PRRC2B: variants seen among roughly 807,000 people sequenced by gnomAD.
PRRC2B encodes the protein protein PRRC2B.
In PRRC2B, 68 loss-of-function variants were observed where a neutral mutation model predicts 242.3. The observed-to-expected ratio is 0.28, with a 90% CI of 0.23 to 0.34. The LOEUF (loss-of-function observed/expected upper bound fraction) is 0.34, where lower values mean the gene tolerates loss of function less well. Ranked by LOEUF, PRRC2B falls within the 10% of genes least tolerant of loss-of-function variation. PRRC2B has a pLI of 1.00. For synonymous variants in PRRC2B, 1,228 were observed against 1,173.6 expected (o/e 1.05, Z -0.95); for missense variants, 2,835 against 2,954.8 (o/e 0.96, Z 0.94).
chr9:131,495,634 G>T, intron 31 of PRRC2B, 106 bp from the exon 32 acceptor site: 2 of 1,319,964 alleles, frequency 1.5e-6, no homozygotes, highest in South Asian at 1.4e-5. Flanking sequence ...CAACTTAGGG[G>T]AGCTTTCCCT....
intron 1 of PRRC2B, among the ~76,000 whole-genome samples, chr9:131,425,263 G>A (rs1189570749): frequency 6.6e-6 from 1 of 152,124 alleles, no homozygotes; most frequent in Non-Finnish European, 1.5e-5. Context: ...TGGGATTACA[G>A]GCGTGAGCTA....
intron 9 of PRRC2B, among the ~76,000 whole-genome samples, chr9:131,451,133 C>T (rs1942899526): frequency 5.9e-5 from 9 of 152,198 alleles, no homozygotes; most frequent in Admixed American, 5.2e-4. Context: ...GGCGCAGTGG[C>T]TCACGCCTGT....
At position 131,459,067 on chromosome 9, in the gene PRRC2B, G is replaced by T. The variant is rs867169769; in HGVS notation, c.1212-97G>T. 327 of 1,059,842 alleles carry T rather than the reference G, an allele frequency of 3.1e-4. No individual in the cohort carries two copies. The Middle Eastern group carries it at 4.4e-3, about 14-fold the overall frequency. The allele number at this position is 1,059,842 out of a possible 1,614,324, so 65.7% of individuals were successfully genotyped here. On this transcript the variant is annotated intron_variant, in intron 10 of 31. Transcript: ENST00000683519. ...CCATTCTAATGAAGAAAATGATTTG[G>T]ACAGCTGACTTGGGAATTCTCAAGG...
upstream of PRRC2B, among the ~76,000 whole-genome samples, chr9:131,392,940 GAAAA>G (rs1588235365): frequency 6.7e-6 from 1 of 149,206 alleles, no homozygotes; most frequent in African/African-American, 2.5e-5. Flanking sequence ...AAAGAAAAAA[GAAAA>G]AAAGGATAAC....
At chr9:131,422,967 C>T (rs1294558712) in intron 1 of PRRC2B, among the ~76,000 whole-genome samples, 2 of 152,138 alleles carry the variant, frequency 1.3e-5, no homozygotes, top group African/African-American at 4.8e-5. Context: ...GCTCTAGCTC[C>T]CCGTGGCAGT....
intron 1 of PRRC2B, among the ~76,000 whole-genome samples, chr9:131,395,067 AT>A (rs1214022259): frequency 6.7e-6 from 1 of 149,366 alleles, no homozygotes; most frequent in African/African-American, 2.5e-5. Context: ...TAAGAGGTGG[AT>A]TTTTTTCCTT....
chr9:131,385,337 G>A (rs765724565), intron 1 of PRRC2B, among the ~76,000 whole-genome samples: 3 of 148,092 alleles, frequency 2.0e-5, no homozygotes, highest in Non-Finnish European at 3.0e-5. Context: ...GAAAAACTCC[G>A]TCTCAAAAAA....
Position 131,474,480 on chromosome 9 carries a change from T to G in PRRC2B, c.2351T>G (p.Leu784Arg). ...AATGAAAGCTCTTTCTCTGCCTCACTCGGAAGGGCAGGGGGCGTAAGTGCT... is the reference window on the plus strand; with the variant it reads ...AATGAAAGCTCTTTCTCTGCCTCACGCGGAAGGGCAGGGGGCGTAAGTGCT... ...VRNESSFSAS[L>R]GRAGGVSAQR... is the part of the protein sequence containing the mutation. Residue 784 changes from leucine to arginine, a missense_variant, in exon 16 of 32, where the codon CTC becomes CGC. By Grantham distance (102) the Leu-to-Arg change is moderately radical. Around this residue, in one of 7 missense-constraint regions of PRRC2B, gnomAD observed 1,536 missense variants for 1,483.1 expected, o/e 1.04. Transcript: ENST00000683519. 6.2e-7 allele frequency: 1 copy of G among 1,610,930 alleles called. No homozygotes were observed. The highest frequency in any genetic ancestry group is 8.5e-7 in the Non-Finnish European group (1 of 1,177,752).
intron 1 of PRRC2B, among the ~76,000 whole-genome samples, chr9:131,403,940 C>G (rs1837291615): frequency 1.3e-5 from 2 of 151,304 alleles, no homozygotes; most frequent in Admixed American, 1.3e-4. Context: ...TTCAGTAATA[C>G]TTTTTTTTTC....
intron 1 of PRRC2B, among the ~76,000 whole-genome samples, chr9:131,425,052 T>G (rs1338531299): frequency 6.6e-6 from 1 of 151,980 alleles, no homozygotes; most frequent in Non-Finnish European, 1.5e-5. Context: ...CTGCAGCCTC[T>G]GCCTCCTGGG....
chr9:131,382,562 G>A (rs1014271967), intron 1 of PRRC2B, among the ~76,000 whole-genome samples: 2 of 152,018 alleles, frequency 1.3e-5, no homozygotes, highest in Non-Finnish European at 2.9e-5. Context: ...CCTGCTGTGA[G>A]CTTCTGGGTC....
intron 1 of PRRC2B, among the ~76,000 whole-genome samples, chr9:131,412,431 A>G (rs1165101183): frequency 6.6e-6 from 1 of 152,184 alleles, no homozygotes; most frequent in Admixed American, 6.5e-5. Flanking sequence ...GCTCATTTCC[A>G]TAGTTCTTCC....
At chr9:131,383,442 T>G (rs1019281763) in intron 1 of PRRC2B, among the ~76,000 whole-genome samples, 1 of 152,024 alleles carries the variant, frequency 6.6e-6, no homozygotes, top group East Asian at 1.9e-4. Context: ...CCTCCTACCC[T>G]TTCTCGGGAA....
intron 26 of PRRC2B, chr9:131,486,650 C>T: frequency 1.6e-6 from 1 of 612,526 alleles, no homozygotes; most frequent in Non-Finnish European, 2.0e-6. Flanking sequence ...GGTGCTGGGC[C>T]TTTGGGATGG....
Position 131,482,406 on chromosome 9 carries a change from T to G in PRRC2B, c.5019T>G (p.Val1673=), listed in dbSNP as rs761745633. The stretch of plus-strand genomic sequence containing the variant: ...AGAGCAGCCAGGGAGATAGTGGCGT[T>G]GACTTGAGTGCCGAGTCTCGGGAGT... ...GFKSSQGDSG[V]DLSAESRESS... The change falls in exon 21 of 32, where the codon GTT becomes GTG. Residue 1673 remains valine (V), a synonymous_variant. Transcript: ENST00000683519. This position sits in a 1 kb window ranked among gnomAD's most constrained non-coding sequence, Gnocchi z 5.2. 1.3e-6 allele frequency: 2 copies of G among 1,597,600 alleles called. No homozygotes were observed. Among genetic ancestry groups the G allele is most frequent in the Non-Finnish European group, 1.7e-6 (2 of 1,167,286 alleles).
chr9:131,425,269 A>T (rs1207800385), intron 1 of PRRC2B, among the ~76,000 whole-genome samples: 1 of 152,070 alleles, frequency 6.6e-6, no homozygotes, highest in African/African-American at 2.4e-5. Context: ...TACAGGCGTG[A>T]GCTACCACGC....
At chr9:131,392,182 T>C (rs1836910363), upstream of PRRC2B, among the ~76,000 whole-genome samples, 1 of 150,796 alleles carries the variant, frequency 6.6e-6, no homozygotes, top group African/African-American at 2.4e-5. Flanking sequence ...CAGTGCAACC[T>C]CCGCCACCCG....
chr9:131,448,558 A>AAAAAAAAAAAAAAC, intron 9 of PRRC2B, among the ~76,000 whole-genome samples: 1 of 144,256 alleles, frequency 6.9e-6, no homozygotes, highest in Non-Finnish European at 1.5e-5. Flanking sequence ...AAAAAAAAAA[A>AAAAAAAAAAAAAAC]AAAAAAAAAA....
upstream of PRRC2B, among the ~76,000 whole-genome samples, chr9:131,393,227 G>A (rs1167874314): frequency 1.3e-5 from 2 of 152,242 alleles, no homozygotes; most frequent in Non-Finnish European, 2.9e-5. Context: ...CTTTAGCATA[G>A]GGCATGGCCC....
Sources: allele counts gnomAD v4.1 joint callset (sites outside exome capture counted in the v4.1 genomes callset), GRCh38; gene constraint gnomAD v4.1.1; regional missense constraint gnomAD v4.1.1; non-coding constraint Gnocchi (gnomAD v3.1); transcripts MANE v1.5; gene names NCBI Gene and HGNC (gene_info 2026-07-23, HGNC 2026-07-21).